Variants in PDE1A observed in about 807,000 individuals in gnomAD.
The protein encoded by PDE1A is dual specificity calcium/calmodulin-dependent 3',5'-cyclic nucleotide phosphodiesterase 1A.
Under a neutral mutation model 61.7 loss-of-function variants are expected in PDE1A, and 35 were observed. The ratio of observed to expected loss-of-function variants is 0.57; its 90% CI spans 0.43 to 0.75. The LOEUF (loss-of-function observed/expected upper bound fraction) is 0.75. Ranked by LOEUF, PDE1A falls within the 30% of genes least tolerant of loss-of-function variation. PDE1A has a pLI of 0.00. For missense variants in PDE1A, 597 were observed against 630.6 expected, an observed-to-expected ratio of 0.95 and a Z score of 0.57; for synonymous variants, 232 against 213.2, an observed-to-expected ratio of 1.09 and a Z score of -0.77.
chr2:182,445,516 A>G (rs1685078559), intron 2 of PDE1A, among the ~76,000 whole-genome samples: 1 of 152,120 alleles, frequency 6.6e-6, no homozygotes, highest in Non-Finnish European at 1.5e-5. Context: ...ATTGTTTTAG[A>G]GAGCTGATCT....
intron 1 of PDE1A, among the ~76,000 whole-genome samples, chr2:182,420,824 T>C (rs1703230787): frequency 6.6e-6 from 1 of 152,178 alleles, no homozygotes; most frequent in Non-Finnish European, 1.5e-5. Context: ...TCAAATGCAC[T>C]GGAACTTGCC....
chr2:182,428,784 T>A (rs1364249761), upstream of PDE1A, among the ~76,000 whole-genome samples: 3 of 152,140 alleles, frequency 2.0e-5, no homozygotes, highest in African/African-American at 7.2e-5. Flanking sequence ...TAAATCTTCC[T>A]CCTGAGGGAA....
chr2:182,408,918 C>T (rs1270706274), intron 1 of PDE1A, among the ~76,000 whole-genome samples: 1 of 152,192 alleles, frequency 6.6e-6, no homozygotes, highest in African/African-American at 2.4e-5. Flanking sequence ...AGAGAGAAAA[C>T]TGATTATCGG....
At chr2:182,322,638 T>A (rs1408459137) in intron 1 of PDE1A, among the ~76,000 whole-genome samples, 2 of 152,168 alleles carry the variant, frequency 1.3e-5, no homozygotes, top group Non-Finnish European at 2.9e-5. Context: ...TGAATTCACT[T>A]CTCATGAGGC....
chr2:182,338,223 C>CT (rs1697965432), intron 1 of PDE1A, among the ~76,000 whole-genome samples: 1 of 152,194 alleles, frequency 6.6e-6, no homozygotes, highest in Admixed American at 6.5e-5. Flanking sequence ...AACCCTGACT[C>CT]TAACACCCAG....
the PDE1A span, among the ~76,000 whole-genome samples, chr2:182,536,522 A>G: frequency 1.3e-5 from 2 of 152,200 alleles, no homozygotes; most frequent in Non-Finnish European, 2.9e-5. Flanking sequence ...AGTAAAGAAG[A>G]CTATAAAAGC....
chr2:182,328,178 T>C (rs144959095), intron 1 of PDE1A, among the ~76,000 whole-genome samples: 1 of 152,164 alleles, frequency 6.6e-6, no homozygotes, highest in Admixed American at 6.6e-5. Context: ...TGAAATAGAT[T>C]CTAAGAGAGT....
the PDE1A span, among the ~76,000 whole-genome samples, chr2:182,578,716 T>C: frequency 6.2e-3 from 943 of 152,322 alleles, 14 homozygotes; most frequent in African/African-American, 0.022. Flanking sequence ...TTCCACTCCA[T>C]GCAAACAGTA....
intron 7 of PDE1A, among the ~76,000 whole-genome samples, chr2:182,219,061 A>G (rs888294036): frequency 1.3e-5 from 2 of 152,132 alleles, no homozygotes; most frequent in African/African-American, 2.4e-5. Flanking sequence ...GAAGGGGATG[A>G]TGAAAATCAT....
chr2:182,301,510 TGTG>T (rs1249071876), intron 1 of PDE1A, among the ~76,000 whole-genome samples: 2 of 152,090 alleles, frequency 1.3e-5, no homozygotes, highest in Non-Finnish European at 2.9e-5. Context: ...ATTTCCAAGG[TGTG>T]GTAGTGGTGC....
chr2:182,653,930 C>T, the PDE1A span, among the ~76,000 whole-genome samples: 1 of 152,150 alleles, frequency 6.6e-6, no homozygotes, highest in Non-Finnish European at 1.5e-5. Flanking sequence ...GATCCATCAT[C>T]GTCACTACAC....
intron 8 of PDE1A, among the ~76,000 whole-genome samples, chr2:182,203,800 CATCAGTCTTTAAGAAGAT>C (rs1448645363): frequency 4.6e-5 from 7 of 151,742 alleles, no homozygotes; most frequent in African/African-American, 1.7e-4. Flanking sequence ...AAACAGAAAA[CATCAGTCTTTAAGAAGAT>C]ATCCATATTT....
the PDE1A span, among the ~76,000 whole-genome samples, chr2:182,654,616 T>C: frequency 1.3e-5 from 2 of 152,172 alleles, no homozygotes; most frequent in South Asian, 4.1e-4. Context: ...TAATCTGATA[T>C]ATGCTTTAAG....
At chr2:182,486,147 G>A in intron 2 of PDE1A, among the ~76,000 whole-genome samples, 1 of 151,824 alleles carries the variant, frequency 6.6e-6, no homozygotes. Context: ...AAATTCAAAT[G>A]TATTTCTATA....
At chr2:182,518,983 GA>G (rs1360963619) in intron 2 of PDE1A, among the ~76,000 whole-genome samples, 3 of 149,204 alleles carry the variant, frequency 2.0e-5, no homozygotes, top group Admixed American at 2.0e-4. Context: ...TATGTTTAGA[GA>G]AAAAAAAAGC....
chr2:182,477,020 T>C (rs1687410419), intron 2 of PDE1A, among the ~76,000 whole-genome samples: 2 of 151,894 alleles, frequency 1.3e-5, no homozygotes, highest in Non-Finnish European at 2.9e-5. Flanking sequence ...AGATGTTTAT[T>C]CTAATATTTA....
intron 1 of PDE1A, among the ~76,000 whole-genome samples, chr2:182,336,421 T>C (rs1697815404): frequency 6.6e-6 from 1 of 152,104 alleles, no homozygotes; most frequent in Non-Finnish European, 1.5e-5. Context: ...ATATGCAACA[T>C]GGAATACTAT....
In PDE1A at chr2:182,189,565, A is replaced by G. The variant is rs547833402; in HGVS notation, c.1126-505T>C. Among the ~76,000 whole-genome samples, 22 of 152,304 alleles carry G rather than the reference A, an allele frequency of 1.4e-4. No individual in the cohort carries two copies. The South Asian group carries it at 4.3e-3, about 30-fold the overall frequency. ...ATTAAATCTTCCACAACATATAATG[A>G]GGAATTTCTTCAACATTCTTACATT... On this transcript the variant is annotated intron_variant, in intron 10 of 13. Transcript: ENST00000351439.
At chr2:182,603,480 T>C in the PDE1A span, among the ~76,000 whole-genome samples, 1 of 152,304 alleles carries the variant, frequency 6.6e-6, no homozygotes, top group African/African-American at 2.4e-5. Context: ...CTTGAGTAGC[T>C]TGGATTACAG....
Sources: gnomAD v4.1 joint callset for allele counts (sites outside exome capture counted in the v4.1 genomes callset) on GRCh38, gnomAD v4.1.1 for gene constraint, MANE v1.5 for transcripts, NCBI Gene and HGNC (gene_info 2026-07-23, HGNC 2026-07-21) for gene names.